BMP8B: variants seen among roughly 807,000 people sequenced by gnomAD.
BMP8B encodes the protein bone morphogenetic protein 8 (osteogenic protein 2).
BMP8B carries 17 observed loss-of-function variants against 30.3 expected under a neutral mutation model. The observed-to-expected ratio is 0.56, with a 90% CI of 0.38 to 0.84. The LOEUF (loss-of-function observed/expected upper bound fraction) is 0.84. Ranked by LOEUF, BMP8B falls within the 40% of genes least tolerant of loss-of-function variation. The pLI, the probability that BMP8B is intolerant of heterozygous loss-of-function variation, is 0.00. For missense variants in BMP8B, 253 were observed against 494.6 expected (o/e 0.51, Z 4.63); for synonymous variants, 131 against 214.7 (o/e 0.61, Z 3.41).
intron 1 of BMP8B, among the ~76,000 whole-genome samples, chr1:39,787,723 G>C (rs560616055): frequency 6.6e-6 from 1 of 152,228 alleles, no homozygotes; most frequent in South Asian, 2.1e-4. Flanking sequence ...ACTCAGCTCT[G>C]GTCACTCCGA....
chr1:39,767,282 A>G (rs1649680976), intron 3 of BMP8B, among the ~76,000 whole-genome samples: 1 of 151,978 alleles, frequency 6.6e-6, no homozygotes. Context: ...AGCAGAAACT[A>G]AGGCCCAGAG....
chr1:39,763,043 A>G (rs753664193), intron 6 of BMP8B, 49 bp downstream of exon 6: 16 of 1,597,082 alleles, frequency 1.0e-5, no homozygotes, highest in East Asian at 8.9e-5. Flanking sequence ...ACCCCTCTCC[A>G]CAGGGCCCCC....
rs759060269 is a variant in BMP8B, at chr1:39,763,239, G to A, written c.949-37C>T. 7.7e-6 allele frequency: 12 copies of A among 1,561,560 alleles called. No individual in the cohort carries two copies. The African/African-American group carries it at 1.6e-4, about 21-fold the overall frequency. On this transcript the variant is annotated intron_variant, in intron 5 of 6. Coordinates refer to ENST00000372827, the MANE Select transcript of BMP8B (RefSeq NM_001720.5). The stretch of plus-strand genomic sequence containing the variant: ...GGGAGAAGGTGAGTCCCATCCATGT[G>A]CCCCTCCCTGAGCCTCAGGGCCCAA...
chr1:39,771,211 G>C (rs1399765096), intron 3 of BMP8B: 23 of 1,529,330 alleles, frequency 1.5e-5, no homozygotes, highest in Non-Finnish European at 1.6e-5. Context: ...CGCCGGCGGG[G>C]ACCCCGCGCC....
chr1:39,778,541 G>T (rs1650394861), intron 1 of BMP8B, among the ~76,000 whole-genome samples: 1 of 151,332 alleles, frequency 6.6e-6, no homozygotes, highest in Admixed American at 6.6e-5. Flanking sequence ...GCGAGCCCAG[G>T]GCTCCATGCT....
In BMP8B at chr1:39,760,212, C is replaced by T. The variant is rs1405684470; in HGVS notation, c.*207G>A. The T allele has an allele frequency of 7.0e-6, 6 of 857,428 alleles. No homozygotes were observed. The highest frequency in any genetic ancestry group is 1.7e-5 in the African/African-American group (1 of 58,574). The allele number at this position is 857,428 out of a possible 1,614,324, so 53.1% of individuals were successfully genotyped here. ...TGCCTGATGATTGAGACCACCTGGG[C>T]TGGAAACAGGACAGTCACACAAATG... On this transcript the variant is annotated 3_prime_UTR_variant, in exon 7 of 7. Transcript: ENST00000372827.
intron 1 of BMP8B, among the ~76,000 whole-genome samples, chr1:39,782,695 T>C (rs12756902): frequency 0.12 from 18,407 of 152,162 alleles, 1,455 homozygotes; most frequent in South Asian, 0.2. Flanking sequence ...CTTTAACTCC[T>C]GACCTCAGGT....
chr1:39,780,583 G>A (rs1369970924), intron 1 of BMP8B, among the ~76,000 whole-genome samples: 1 of 152,218 alleles, frequency 6.6e-6, no homozygotes, highest in East Asian at 1.9e-4. Flanking sequence ...TTCACTTCAG[G>A]AACTGGCATT....
At chr1:39,762,784 C>G (rs1043977100) in intron 6 of BMP8B, 7 of 1,305,152 alleles carry the variant, frequency 5.4e-6, no homozygotes, top group Non-Finnish European at 7.2e-6. Flanking sequence ...GTTTCATGTG[C>G]TGTGCCTCTG....
At chr1:39,782,692 T>G (rs1650729980) in intron 1 of BMP8B, among the ~76,000 whole-genome samples, 1 of 152,068 alleles carries the variant, frequency 6.6e-6, no homozygotes, top group African/African-American at 2.4e-5. Context: ...TGTCTTTAAC[T>G]CCTGACCTCA....
At chr1:39,785,725 C>T (rs968944270) in intron 1 of BMP8B, among the ~76,000 whole-genome samples, 3 of 152,196 alleles carry the variant, frequency 2.0e-5, no homozygotes, top group African/African-American at 7.2e-5. Context: ...CTCAGCTACT[C>T]GGGAGGCTGA....
Position 39,788,102 on chromosome 1 carries a change from C to T in BMP8B, c.334+50G>A. On this transcript the variant is annotated intron_variant, in intron 1 of 6. Coordinates refer to ENST00000372827, the MANE Select transcript of BMP8B (RefSeq NM_001720.5). This position sits in a 1 kb window ranked among gnomAD's most constrained non-coding sequence, Gnocchi z 5.8. ...CACAGCCCGCGGATGCGCGCCCCTC[C>T]CCTGCAGCCAGCTTACTCCGAGGGT... is the stretch of plus-strand genomic sequence containing the variant. The T allele has an allele frequency of 6.7e-7, 1 of 1,489,462 alleles. No individual in the cohort carries two copies. Among genetic ancestry groups the T allele is most frequent in the Non-Finnish European group, 8.8e-7 (1 of 1,130,050 alleles). 92.3% of individuals were successfully genotyped at this position (1,489,462 alleles called of 1,614,324 possible). A position where few individuals can be genotyped will look rare whatever the true frequency, so the allele number is the denominator to read the frequency against.
At chr1:39,775,521 C>A (rs1216989272) in intron 1 of BMP8B, among the ~76,000 whole-genome samples, 2 of 152,232 alleles carry the variant, frequency 1.3e-5, no homozygotes, top group Non-Finnish European at 2.9e-5. Context: ...CCAGAGCCTG[C>A]CCACTGCCTG....
chr1:39,768,822 C>T (rs1178765708), intron 3 of BMP8B, among the ~76,000 whole-genome samples: 1 of 150,522 alleles, frequency 6.6e-6, no homozygotes, highest in East Asian at 2.0e-4. Flanking sequence ...GACTGGACCA[C>T]TGTACTCTAG....
intron 1 of BMP8B, among the ~76,000 whole-genome samples, chr1:39,786,239 C>A (rs1244517502): frequency 1.3e-5 from 2 of 152,184 alleles, no homozygotes. Context: ...CTTTTAGAAT[C>A]CATTTCTAGG....
At position 39,788,375 on chromosome 1, in the gene BMP8B, G is replaced by T; in HGVS notation, c.111C>A (p.Gly37=). The T allele has an allele frequency of 5.3e-6, 6 of 1,125,176 alleles. No homozygotes were observed. The highest frequency in any genetic ancestry group is 6.5e-6 in the Non-Finnish European group (6 of 922,614). The allele number at this position is 1,125,176 out of a possible 1,614,324, so 69.7% of individuals were successfully genotyped here. ...GCTGCACGTCCCGGCGCTCGCGCGC[G>T]CCCAGACGTCGCTGGGGACAGCCGG... The part of the protein sequence containing the change: ...PPPGCPQRRL[G]ARERRDVQRE... Residue 37 remains glycine, a synonymous_variant, in exon 1 of 7, where the codon GGC becomes GGA. Coordinates refer to ENST00000372827, the MANE Select transcript of BMP8B (RefSeq NM_001720.5). This position sits in a 1 kb window ranked among gnomAD's most constrained non-coding sequence, Gnocchi z 5.8.
intron 3 of BMP8B, among the ~76,000 whole-genome samples, chr1:39,765,301 A>ATG (rs1364055960): frequency 7.0e-6 from 1 of 143,726 alleles, no homozygotes; most frequent in Admixed American, 6.9e-5. Flanking sequence ...TGAATGTCAA[A>ATG]CTTATCACCG....
intron 6 of BMP8B, chr1:39,762,653 T>G: frequency 6.5e-7 from 1 of 1,539,472 alleles, no homozygotes; most frequent in Non-Finnish European, 8.8e-7. Flanking sequence ...GCGGCACAGG[T>G]GGGTGAGTGC....
chr1:39,785,726 G>A (rs565279475), intron 1 of BMP8B, among the ~76,000 whole-genome samples: 44 of 152,272 alleles, frequency 2.9e-4, no homozygotes, highest in African/African-American at 9.1e-4. Context: ...TCAGCTACTC[G>A]GGAGGCTGAG....
Sources: gnomAD v4.1 joint callset for allele counts (sites outside exome capture counted in the v4.1 genomes callset) on GRCh38, gnomAD v4.1.1 for gene constraint, Gnocchi (gnomAD v3.1) non-coding constraint, MANE v1.5 for transcripts, NCBI Gene and HGNC (gene_info 2026-07-23, HGNC 2026-07-21) for gene names.